The following GOLGA4 variants were observed in gnomAD, a reference collection of about 807,000 sequenced individuals.
GOLGA4 encodes the protein golgin subfamily A member 4.
In GOLGA4, 169 loss-of-function variants were observed where a neutral mutation model predicts 265.9. The observed-to-expected ratio is 0.64, with a 90% CI of 0.56 to 0.72. The LOEUF is 0.72. Ranked by LOEUF, GOLGA4 falls within the 30% of genes least tolerant of loss-of-function variation. The probability of loss-of-function intolerance (pLI) is 0.00; values close to 1 mark genes in which losing one functional copy is unlikely to be tolerated. For missense variants in GOLGA4, 2,482 were observed against 2,483.4 expected (o/e 1.00, Z 0.01); for synonymous variants, 923 against 855.8 (o/e 1.08, Z -1.37).
intron 3 of GOLGA4, among the ~76,000 whole-genome samples, chr3:37,285,207 C>T (rs938580075): frequency 2.0e-5 from 3 of 150,280 alleles, no homozygotes; most frequent in Admixed American, 2.0e-4. Flanking sequence ...CACTAAATTG[C>T]CCAGGCTGGT....
chr3:37,254,031 A>G (rs1464598982), intron 2 of GOLGA4, among the ~76,000 whole-genome samples: 1 of 148,368 alleles, frequency 6.7e-6, no homozygotes, highest in Non-Finnish European at 1.5e-5. Flanking sequence ...AAAAAAAAAA[A>G]TGGTAGCAAT....
At chr3:37,328,707 C>T (rs2096980366) in intron 15 of GOLGA4, among the ~76,000 whole-genome samples, 170 bp downstream of exon 15, 1 of 152,052 alleles carries the variant, frequency 6.6e-6, no homozygotes, top group African/African-American at 2.4e-5. Context: ...CAATGACTTA[C>T]CTTAAGGAGA....
intron 21 of GOLGA4, among the ~76,000 whole-genome samples, chr3:37,348,126 G>A (rs1487920388): frequency 6.6e-6 from 1 of 152,086 alleles, no homozygotes; most frequent in African/African-American, 2.4e-5. Context: ...GAGTTGCTGA[G>A]TCATAGGATA....
rs150509071 is a variant in GOLGA4 at position 37,325,427 on chromosome 3, A to G, written c.3541A>G (p.Thr1181Ala). ...VSELTSKLKT[T>A]DEEFQSLKSS... The stretch of plus-strand genomic sequence containing the variant: ...TGAGTTGACTAGCAAGTTGAAAACC[A>G]CAGATGAAGAATTCCAGAGTTTGAA... The change falls in exon 14 of 24, where the codon ACA (threonine) becomes GCA (alanine). Residue 1181 changes from threonine to alanine, a missense_variant. Transcript: ENST00000361924. The G allele has an allele frequency of 1.3e-4, 209 of 1,611,080 alleles. 1 individual carries two copies. The highest frequency in any genetic ancestry group is 1.6e-4 in the Non-Finnish European group (187 of 1,179,152).
intron 1 of GOLGA4, chr3:37,243,846 G>T (rs1264330582): frequency 3.5e-6 from 2 of 564,658 alleles, no homozygotes; most frequent in African/African-American, 3.8e-5. Context: ...ATGAGTGGAT[G>T]GGGGTGGCTG....
At chr3:37,245,361 T>TA (rs1248223481) in intron 1 of GOLGA4, 1 of 152,452 alleles carries the variant, frequency 6.6e-6, no homozygotes, top group African/African-American at 2.4e-5. Context: ...CAGCTAGTGT[T>TA]AGAGTCTTCA....
intron 21 of GOLGA4, among the ~76,000 whole-genome samples, chr3:37,351,556 C>T (rs1022983139): frequency 2.8e-4 from 43 of 152,120 alleles, no homozygotes; most frequent in African/African-American, 1.0e-3. Flanking sequence ...GCCACTATAG[C>T]CTTATAAAAT....
At chr3:37,257,517 T>A (rs2096752106) in intron 2 of GOLGA4, among the ~76,000 whole-genome samples, 1 of 152,118 alleles carries the variant, frequency 6.6e-6, no homozygotes, top group Non-Finnish European at 1.5e-5. Flanking sequence ...CATGTACATC[T>A]CTAGTGTGGT....
At chr3:37,309,872 CCCAGGATCT>C (rs1483010539) in intron 10 of GOLGA4, among the ~76,000 whole-genome samples, 2 of 152,194 alleles carry the variant, frequency 1.3e-5, no homozygotes, top group African/African-American at 4.8e-5. Flanking sequence ...GTCTCAAGAC[CCCAGGATCT>C]TTGGACCACA....
intron 2 of GOLGA4, among the ~76,000 whole-genome samples, chr3:37,252,151 G>A (rs1441697473): frequency 6.6e-6 from 1 of 151,574 alleles, no homozygotes; most frequent in Admixed American, 6.6e-5. Context: ...TTTCTGTGAA[G>A]TGTAACACAC....
chr3:37,265,139 G>GTGTGTC (rs2096780200), intron 2 of GOLGA4, among the ~76,000 whole-genome samples: 1 of 151,902 alleles, frequency 6.6e-6, no homozygotes, highest in African/African-American at 2.4e-5. Flanking sequence ...GTGTGTGTGT[G>GTGTGTC]TGTGTGTGTA....
chr3:37,315,326 C>T, intron 10 of GOLGA4, 94 bp from the exon 11 acceptor site: 1 of 1,011,334 alleles, frequency 9.9e-7, no homozygotes, highest in Non-Finnish European at 1.5e-6. Context: ...TATCCTGCTA[C>T]TGCTGCTCTT....
intron 4 of GOLGA4, among the ~76,000 whole-genome samples, chr3:37,286,517 G>A (rs2096849920): frequency 6.6e-6 from 1 of 152,090 alleles, no homozygotes. Context: ...TATTAAGCTT[G>A]TTTTACCATT....
At chr3:37,256,999 A>G (rs1364364139) in intron 2 of GOLGA4, among the ~76,000 whole-genome samples, 1 of 152,124 alleles carries the variant, frequency 6.6e-6, no homozygotes, top group African/African-American at 2.4e-5. Flanking sequence ...CCAGTGTTGT[A>G]CATTCATCAC....
intron 16 of GOLGA4, among the ~76,000 whole-genome samples, chr3:37,332,333 CG>C (rs1057351437): frequency 1.5e-4 from 23 of 152,074 alleles, no homozygotes; most frequent in Admixed American, 6.5e-4. Context: ...AAAAAAAGAT[CG>C]GGGCAGCGGG....
At chr3:37,247,420 G>A (rs1353203442) in intron 1 of GOLGA4, among the ~76,000 whole-genome samples, 1 of 152,168 alleles carries the variant, frequency 6.6e-6, no homozygotes, top group Non-Finnish European at 1.5e-5. Context: ...GTGTAATAGT[G>A]ATATATACAG....
chr3:37,315,249 G>A (rs1248619320), intron 10 of GOLGA4, among the ~76,000 whole-genome samples, 171 bp from the exon 11 acceptor site: 1 of 152,174 alleles, frequency 6.6e-6, no homozygotes, highest in African/African-American at 2.4e-5. Context: ...GTGACCGAAC[G>A]TTTCTTGTGG....
rs1166688056 is a variant in GOLGA4 at position 37,327,456 on chromosome 3, A to G, written c.5570A>G (p.Lys1857Arg). Residue 1857 changes from lysine (K) to arginine (R), a missense_variant, in exon 14 of 24, where the codon AAA becomes AGA. By Grantham distance (26) the Lys-to-Arg change is conservative. Transcript: ENST00000361924. ...TGTCAGATTTTGGAGCAAAAGATAA[A>G]AGAGCTGGATTCCTGCTTAGTAAGA... is the stretch of plus-strand genomic sequence containing the variant. ...LTCQILEQKI[K>R]ELDSCLVRQK... 3 of 1,613,058 alleles carry G rather than the reference A, an allele frequency of 1.9e-6. No individual in the cohort carries two copies. The highest frequency in any genetic ancestry group is 2.5e-6 in the Non-Finnish European group (3 of 1,179,692).
Position 37,326,061 on chromosome 3 carries a change from A to G in GOLGA4, c.4175A>G (p.Lys1392Arg). 1 of 1,613,592 alleles carries G rather than the reference A, an allele frequency of 6.2e-7. No individual in the cohort carries two copies. The change falls in exon 14 of 24, where the codon AAA becomes AGA. Residue 1392 changes from lysine to arginine, a missense_variant. By Grantham distance (26) the Lys-to-Arg change is conservative. Coordinates refer to ENST00000361924, the MANE Select transcript of GOLGA4 (RefSeq NM_002078.5). ...QLQNSISLSEKEAAISSLRKQ... is the reference protein window; with the variant it reads ...QLQNSISLSEREAAISSLRKQ... ...CAAAATAGCATCAGCCTATCCGAAA[A>G]AGAAGCAGCCATTTCATCACTAAGA...
Sources: allele counts gnomAD v4.1 joint callset (sites outside exome capture counted in the v4.1 genomes callset), GRCh38; gene constraint gnomAD v4.1.1; transcripts MANE v1.5; gene names NCBI Gene and HGNC (gene_info 2026-07-23, HGNC 2026-07-21).